The following CNOT10 variants were observed in gnomAD, a reference collection of about 807,000 sequenced individuals.
The protein encoded by CNOT10 is CCR4-NOT transcription complex, subunit 10.
A neutral mutation model predicts 94.6 loss-of-function variants in CNOT10; 30 were observed. That is an observed-to-expected ratio of 0.32 (90% confidence interval 0.24 to 0.43). CNOT10 has a LOEUF of 0.43. Ranked by LOEUF, CNOT10 falls within the 20% of genes least tolerant of loss-of-function variation. The pLI is 1.00. For synonymous variants in CNOT10, 289 were observed against 301.6 expected (o/e 0.96, Z 0.43); for missense variants, 759 against 877.2 (o/e 0.87, Z 1.70).
At chr3:32,745,112 CAA>C (rs1699635536) in intron 13 of CNOT10, among the ~76,000 whole-genome samples, 1 of 152,134 alleles carries the variant, frequency 6.6e-6, no homozygotes, top group Non-Finnish European at 1.5e-5. Flanking sequence ...CTCCTGGCCT[CAA>C]GCGATCCGCC....
At chr3:32,726,332 T>C (rs1698663390) in intron 9 of CNOT10, among the ~76,000 whole-genome samples, 4 of 152,182 alleles carry the variant, frequency 2.6e-5, no homozygotes, top group African/African-American at 4.8e-5. Context: ...TATCCTTTAA[T>C]ATTCATTATC....
chr3:32,757,468 C>T (rs1433771071), intron 13 of CNOT10, among the ~76,000 whole-genome samples: 2 of 152,080 alleles, frequency 1.3e-5, no homozygotes, highest in African/African-American at 2.4e-5. Context: ...CATGAGCCAC[C>T]GCACCCAGCC....
At chr3:32,744,312 A>G (rs1359307870) in intron 13 of CNOT10, among the ~76,000 whole-genome samples, 2 of 152,162 alleles carry the variant, frequency 1.3e-5, no homozygotes, top group Non-Finnish European at 2.9e-5. Context: ...ATGGACTATC[A>G]TATTTGACCC....
At chr3:32,717,091 A>G (rs1698157999) in intron 6 of CNOT10, 63 bp from the exon 7 acceptor site, 1 of 943,596 alleles carries the variant, frequency 1.1e-6, no homozygotes, top group South Asian at 1.6e-5. Flanking sequence ...TTTCTTAACT[A>G]GAAAGTAAAA....
At chr3:32,694,800 G>A (rs956459088) in intron 1 of CNOT10, among the ~76,000 whole-genome samples, 3 of 151,960 alleles carry the variant, frequency 2.0e-5, no homozygotes, top group Admixed American at 6.6e-5. Flanking sequence ...CATGTTGGTC[G>A]GAATGCTCTC....
In CNOT10 at chr3:32,725,491, A is replaced by T; in HGVS notation, c.904A>T (p.Ile302Phe). 6.2e-7 allele frequency: 1 copy of T among 1,613,944 alleles called. No individual in the cohort carries two copies. Among genetic ancestry groups the T allele is most frequent in the Non-Finnish European group, 8.5e-7 (1 of 1,179,846 alleles). ...CATGTTCTGGAATAACCTTGGTTGC[A>T]TCCATTTTGCCATGAGCAAGCACAA... ...RCMFWNNLGC[I>F]HFAMSKHNLG... The change falls in exon 9 of 19, where the codon ATC (isoleucine) becomes TTC (phenylalanine). Residue 302 changes from isoleucine to phenylalanine, a missense_variant. Physicochemically the swap from Ile to Phe is conservative, Grantham distance 21. Coordinates refer to ENST00000328834, the MANE Select transcript of CNOT10 (RefSeq NM_015442.3).
At chr3:32,713,625 A>C (rs758487699) in intron 5 of CNOT10, among the ~76,000 whole-genome samples, 1 of 152,190 alleles carries the variant, frequency 6.6e-6, no homozygotes, top group African/African-American at 2.4e-5. Context: ...TCACCCCAAA[A>C]AGAAACCCTG....
chr3:32,755,752 CTTTCCT>C (rs1260951214), intron 13 of CNOT10, among the ~76,000 whole-genome samples: 6 of 138,796 alleles, frequency 4.3e-5, no homozygotes, highest in Admixed American at 7.2e-5. Flanking sequence ...CTTTCTTTTC[CTTTCCT>C]TTTTTTTTTT....
intron 13 of CNOT10, among the ~76,000 whole-genome samples, chr3:32,752,739 G>T (rs1464123599): frequency 3.9e-5 from 6 of 152,132 alleles, no homozygotes; most frequent in African/African-American, 1.4e-4. Context: ...ACTTTGGGAG[G>T]CCGAGGTGGG....
chr3:32,713,690 A>T (rs979478245), intron 5 of CNOT10, among the ~76,000 whole-genome samples: 3 of 152,172 alleles, frequency 2.0e-5, no homozygotes, highest in African/African-American at 7.2e-5. Context: ...AGCAGCCGTT[A>T]ATCTAATTAC....
chr3:32,739,151 C>T (rs974612814), intron 13 of CNOT10, among the ~76,000 whole-genome samples: 7 of 152,142 alleles, frequency 4.6e-5, no homozygotes, highest in Non-Finnish European at 8.8e-5. Context: ...GGTGATCCAC[C>T]CGCCTCAGCC....
chr3:32,689,979 CAT>C (rs1023974488), intron 1 of CNOT10, among the ~76,000 whole-genome samples: 1 of 152,044 alleles, frequency 6.6e-6, no homozygotes, highest in Non-Finnish European at 1.5e-5. Flanking sequence ...AGCCAATACA[CAT>C]AATTTATAGC....
At chr3:32,703,233 A>C (rs1346210866) in intron 1 of CNOT10, among the ~76,000 whole-genome samples, 1 of 152,004 alleles carries the variant, frequency 6.6e-6, no homozygotes, top group Non-Finnish European at 1.5e-5. Context: ...AACATTAATC[A>C]GTTATTGTTG....
intron 3 of CNOT10, among the ~76,000 whole-genome samples, chr3:32,707,287 T>C (rs1484582301): frequency 6.6e-6 from 1 of 152,050 alleles, no homozygotes; most frequent in Non-Finnish European, 1.5e-5. Context: ...TTTTTTTTTT[T>C]CTTTTGTGTC....
chr3:32,696,929 A>G (rs1020234414), intron 1 of CNOT10, among the ~76,000 whole-genome samples: 1 of 151,228 alleles, frequency 6.6e-6, no homozygotes, highest in Non-Finnish European at 1.5e-5. Flanking sequence ...GGAGAATTTT[A>G]GGAGACTTAC....
At chr3:32,696,436 TA>T (rs1697073434) in intron 1 of CNOT10, among the ~76,000 whole-genome samples, 1 of 152,238 alleles carries the variant, frequency 6.6e-6, no homozygotes, top group African/African-American at 2.4e-5. Context: ...TGTGTTTTTT[TA>T]AAAACAGAAA....
chr3:32,755,546 T>C (rs1700193657), intron 13 of CNOT10, among the ~76,000 whole-genome samples: 1 of 151,924 alleles, frequency 6.6e-6, no homozygotes, highest in African/African-American at 2.4e-5. Flanking sequence ...GTGAGGCTAC[T>C]TTGTAAATTT....
chr3:32,716,105 C>T (rs1040750851), intron 5 of CNOT10, 120 bp from the exon 6 acceptor site: 1 of 525,430 alleles, frequency 1.9e-6, no homozygotes, highest in Admixed American at 3.9e-5. Context: ...CCATTTCCCA[C>T]AAATTCTACA....
At chr3:32,704,578 A>T (rs952558453) in intron 2 of CNOT10, among the ~76,000 whole-genome samples, 12 of 152,114 alleles carry the variant, frequency 7.9e-5, no homozygotes, top group Non-Finnish European at 1.3e-4. Context: ...TCATATCAAT[A>T]TATGTGTCTT....
Sources: gnomAD v4.1 joint callset for allele counts (sites outside exome capture counted in the v4.1 genomes callset) on GRCh38, gnomAD v4.1.1 for gene constraint, MANE v1.5 for transcripts, NCBI Gene and HGNC (gene_info 2026-07-23, HGNC 2026-07-21) for gene names.